The following STRA8 variants were observed in gnomAD, a reference collection of about 807,000 sequenced individuals.
STRA8 encodes the protein stimulated by retinoic acid gene 8 protein homolog.
In STRA8, 18 loss-of-function variants were observed where a neutral mutation model predicts 37.1. That is an observed-to-expected ratio of 0.48 (90% CI 0.34 to 0.72). The LOEUF is 0.72. Ranked by LOEUF, STRA8 falls within the 30% of genes least tolerant of loss-of-function variation. The probability of loss-of-function intolerance (pLI) is 0.01; values close to 1 mark genes in which losing one functional copy is unlikely to be tolerated. For synonymous variants in STRA8, 168 were observed against 162.9 expected (o/e 1.03, Z -0.24); for missense variants, 357 against 410.4 (o/e 0.87, Z 1.13).
intron 6 of STRA8, among the ~76,000 whole-genome samples, chr7:135,247,774 C>T (rs1330194918): frequency 1.3e-5 from 2 of 152,204 alleles, no homozygotes; most frequent in Admixed American, 6.5e-5. Context: ...TCAGAATGGC[C>T]GTGGCCATAG....
At chr7:135,242,713 C>A in intron 2 of STRA8, 68 bp from the exon 3 acceptor site, 1 of 1,515,162 alleles carries the variant, frequency 6.6e-7, no homozygotes, top group Non-Finnish European at 9.2e-7. Context: ...GGAAGGGATT[C>A]CTGGGTCCAC....
chr7:135,234,263 C>T (rs1455260235), intron 1 of STRA8, among the ~76,000 whole-genome samples: 3 of 152,118 alleles, frequency 2.0e-5, no homozygotes, highest in African/African-American at 4.8e-5. Context: ...TGGGCCACCA[C>T]GCCCGGCTAA....
chr7:135,236,807 G>A lies in STRA8; in HGVS notation c.-7+2904G>A, dbSNP rs112382897. Among the ~76,000 whole-genome samples the A allele has an allele frequency of 3.9e-5, 6 of 152,162 alleles. No individual in the cohort carries two copies. In the East Asian group the frequency reaches 5.8e-4, roughly 15 times the overall value. On this transcript the variant is annotated intron_variant, in intron 1 of 8. Coordinates refer to ENST00000662584, the MANE Select transcript of STRA8 (RefSeq NM_001394401.1). The stretch of plus-strand genomic sequence containing the variant: ...ACCCAGTGTCTCTGCCCATCCCCAC[G>A]CTTGGGAGATTTTTGTCTTAGTAGT...
rs141662784 is a variant in STRA8 at position 135,235,505 on chromosome 7, G to A, written c.-7+1602G>A. On this transcript the variant is annotated intron_variant, in intron 1 of 8. Coordinates refer to ENST00000662584, the MANE Select transcript of STRA8 (RefSeq NM_001394401.1). ...GGCCCAGGTTGGAGTCCAGTGGCACGATCTCAGCTCACTGCAACCTCCAAC... is the reference window on the plus strand; with the variant it reads ...GGCCCAGGTTGGAGTCCAGTGGCACAATCTCAGCTCACTGCAACCTCCAAC... Among the ~76,000 whole-genome samples the A allele has an allele frequency of 2.4e-4, 35 of 148,488 alleles. No homozygotes were observed. The Middle Eastern group carries it at 0.014, about 60-fold the overall frequency.
intron 6 of STRA8, among the ~76,000 whole-genome samples, chr7:135,249,702 T>A (rs1832612176): frequency 6.6e-6 from 1 of 152,248 alleles, no homozygotes; most frequent in African/African-American, 2.4e-5. Context: ...TCCCCATCAG[T>A]AAGTGATGCA....
intron 3 of STRA8, 136 bp downstream of exon 3, chr7:135,242,992 C>T: frequency 2.0e-6 from 2 of 979,340 alleles, no homozygotes; most frequent in Non-Finnish European, 3.1e-6. Context: ...AGGAACTGTG[C>T]TTGGGCCAAT....
chr7:135,250,277 A>AGCACAAT (rs981040789), intron 6 of STRA8, among the ~76,000 whole-genome samples: 31 of 152,270 alleles, frequency 2.0e-4, no homozygotes, highest in African/African-American at 7.0e-4. Context: ...TGCACAGGTG[A>AGCACAAT]GCACAATGTG....
intron 1 of STRA8, among the ~76,000 whole-genome samples, chr7:135,239,414 G>A (rs187090250): frequency 2.6e-5 from 4 of 152,310 alleles, no homozygotes; most frequent in Non-Finnish European, 5.9e-5. Flanking sequence ...AACCCCTGGC[G>A]GAGGTCATGC....
chr7:135,246,323 G>A lies in STRA8; in HGVS notation c.594-94G>A, dbSNP rs1832552568. 4 of 1,512,298 alleles carry A rather than the reference G, an allele frequency of 2.6e-6. No individual in the cohort carries two copies. The highest frequency in any genetic ancestry group is 2.8e-5 in the African/African-American group (2 of 71,800). The allele number at this position is 1,512,298 out of a possible 1,614,324, so 93.7% of individuals were successfully genotyped here. A position where few individuals can be genotyped will look rare whatever the true frequency, so the allele number is the denominator to read the frequency against. ...CCTGGTGAGCCGTGGCGCCGTGGCCGGGCCTGCGTGCTGGGGTCCACACCA... is the reference window on the plus strand; with the variant it reads ...CCTGGTGAGCCGTGGCGCCGTGGCCAGGCCTGCGTGCTGGGGTCCACACCA... On this transcript the variant is annotated intron_variant, in intron 5 of 8. Coordinates refer to ENST00000662584, the MANE Select transcript of STRA8 (RefSeq NM_001394401.1). This position sits in a 1 kb window ranked among gnomAD's most constrained non-coding sequence, Gnocchi z 5.4.
chr7:135,247,974 C>T (rs553693673), intron 6 of STRA8, among the ~76,000 whole-genome samples: 20 of 152,370 alleles, frequency 1.3e-4, no homozygotes, highest in African/African-American at 4.3e-4. Flanking sequence ...GGACATTTAG[C>T]ATCCATGGCT....
At chr7:135,247,904 C>T (rs1021914714) in intron 6 of STRA8, among the ~76,000 whole-genome samples, 1 of 152,236 alleles carries the variant, frequency 6.6e-6, no homozygotes, top group Non-Finnish European at 1.5e-5. Context: ...ACACGGCCCA[C>T]GCTCGCTCCT....
chr7:135,240,489 C>CAAAAA (rs34330846), intron 1 of STRA8, 30 bp from the exon 2 acceptor site: 1 of 1,338,862 alleles, frequency 7.5e-7, no homozygotes. Context: ...TTATCTAGGG[C>CAAAAA]AAAAAAAAAA....
chr7:135,234,442 T>A (rs1157447911), intron 1 of STRA8, among the ~76,000 whole-genome samples: 1 of 152,164 alleles, frequency 6.6e-6, no homozygotes, highest in East Asian at 1.9e-4. Context: ...TTGATATAGA[T>A]AGAAAATCAA....
upstream of STRA8, among the ~76,000 whole-genome samples, chr7:135,233,430 C>T (rs568883183): frequency 1.9e-3 from 289 of 152,260 alleles, no homozygotes; most frequent in Middle Eastern, 0.031. Flanking sequence ...TTCCGTAACC[C>T]TCAGGACAAC....
chr7:135,243,943 G>T (rs1832507479), intron 4 of STRA8, among the ~76,000 whole-genome samples: 1 of 152,244 alleles, frequency 6.6e-6, no homozygotes, highest in Non-Finnish European at 1.5e-5. Flanking sequence ...GTACACCCAG[G>T]TGTCACAAAT....
In STRA8 at chr7:135,246,480, G is replaced by A. The variant is rs1832556607; in HGVS notation, c.657G>A (p.Gln219=). 6.3e-6 allele frequency: 10 copies of A among 1,588,738 alleles called. No homozygotes were observed. Among genetic ancestry groups the A allele is most frequent in the Non-Finnish European group, 7.7e-6 (9 of 1,166,952 alleles). Residue 219 remains glutamine, a synonymous_variant, in exon 6 of 9, where the codon CAG becomes CAA. Transcript: ENST00000662584. The surrounding 1 kb of genome is among the most constrained non-coding windows in gnomAD (Gnocchi z 5.4). ...LLTGSGIITP[Q]EAALPIVSAA... ...CTGGCAGCGGGATCATTACCCCGCA[G>A]GAGGCGGCGCTGCCCATCGTCTCCG...
Position 135,245,480 on chromosome 7 carries a change from C to T in STRA8, c.546C>T (p.Ile182=). ...EEEEEEEKKV[I]LYSPGTLSPD... ...AGGAGGAAGAGGAGAAAAAAGTGAT[C>T]TTATACTCCCCAGGAACTTTGTCGC... Residue 182 remains isoleucine, a synonymous_variant, in exon 5 of 9, where the codon ATC becomes ATT. Coordinates refer to ENST00000662584, the MANE Select transcript of STRA8 (RefSeq NM_001394401.1). The T allele has an allele frequency of 2.9e-6, 2 of 683,554 alleles. No homozygotes were observed. Among genetic ancestry groups the T allele is most frequent in the East Asian group, 2.6e-5 (1 of 38,326 alleles). The allele number at this position is 683,554 out of a possible 1,614,324, so 42.3% of individuals were successfully genotyped here.
At chr7:135,256,356 C>T (rs572737462) in intron 8 of STRA8, among the ~76,000 whole-genome samples, 5 of 152,314 alleles carry the variant, frequency 3.3e-5, no homozygotes, top group African/African-American at 1.2e-4. Context: ...GGGTGACAGT[C>T]CCCTGGACCA....
At position 135,246,869 on chromosome 7, in the gene STRA8, G is replaced by C. The variant is rs1275221111; in HGVS notation, c.879+167G>C. 1.5e-5 allele frequency: 11 copies of C among 732,708 alleles called. No homozygotes were observed. The East Asian group carries it at 2.9e-4, about 20-fold the overall frequency. The allele number at this position is 732,708 out of a possible 1,614,324, so 45.4% of individuals were successfully genotyped here. A position where few individuals can be genotyped will look rare whatever the true frequency, so the allele number is the denominator to read the frequency against. On this transcript the variant is annotated intron_variant, in intron 6 of 8. Coordinates refer to ENST00000662584, the MANE Select transcript of STRA8 (RefSeq NM_001394401.1). The surrounding 1 kb of genome is among the most constrained non-coding windows in gnomAD (Gnocchi z 5.4). Reference sequence around the variant, plus strand: ...TTCTCTTTTTTTTTTTTTTGAGACGGAGTCTCGCTCTGTCGCCCAGGCTGG... The same window carrying C: ...TTCTCTTTTTTTTTTTTTTGAGACGCAGTCTCGCTCTGTCGCCCAGGCTGG...
Sources: allele counts gnomAD v4.1 joint callset (sites outside exome capture counted in the v4.1 genomes callset), GRCh38; gene constraint gnomAD v4.1.1; non-coding constraint Gnocchi (gnomAD v3.1); transcripts MANE v1.5; gene names NCBI Gene and HGNC (gene_info 2026-07-23, HGNC 2026-07-21).